The following LRRTM4 variants were observed in gnomAD, a reference collection of about 807,000 sequenced individuals.
The protein encoded by LRRTM4 is leucine-rich repeat transmembrane neuronal protein 4.
In LRRTM4, 25 loss-of-function variants were observed where a neutral mutation model predicts 47.6. The ratio of observed to expected loss-of-function variants is 0.53; its 90% CI spans 0.38 to 0.73. LRRTM4 has a LOEUF of 0.73. Among genes scored for constraint, LRRTM4 ranks in the 30% least tolerant of loss-of-function variants. The pLI, the probability that LRRTM4 is intolerant of heterozygous loss-of-function variation, is 0.00. For missense variants in LRRTM4, 638 were observed against 713.4 expected (o/e 0.89, Z 1.20); for synonymous variants, 311 against 269.5 (o/e 1.15, Z -1.51).
chr2:77,221,383 G>C (rs1164256246), intron 3 of LRRTM4, among the ~76,000 whole-genome samples: 1 of 151,942 alleles, frequency 6.6e-6, no homozygotes, highest in Admixed American at 6.6e-5. Flanking sequence ...AATGGGCTAA[G>C]TGCTCCAAAT....
At chr2:76,921,282 T>C (rs950548091) in intron 3 of LRRTM4, among the ~76,000 whole-genome samples, 2 of 152,150 alleles carry the variant, frequency 1.3e-5, no homozygotes, top group Non-Finnish European at 2.9e-5. Flanking sequence ...GTTTTTCTGA[T>C]GATTAGGCTG....
intron 3 of LRRTM4, among the ~76,000 whole-genome samples, chr2:76,946,836 G>C (rs1235258821): frequency 2.0e-5 from 3 of 151,794 alleles, no homozygotes; most frequent in African/African-American, 7.2e-5. Flanking sequence ...ATTATCATTT[G>C]AAGCATCATT....
chr2:77,117,226 A>G (rs933095767), intron 3 of LRRTM4, among the ~76,000 whole-genome samples: 1 of 152,042 alleles, frequency 6.6e-6, no homozygotes, highest in Non-Finnish European at 1.5e-5. Context: ...CTATTTTGAC[A>G]TATGTTTTCA....
chr2:77,186,648 ATAAT>A, intron 3 of LRRTM4, among the ~76,000 whole-genome samples: 1 of 152,290 alleles, frequency 6.6e-6, no homozygotes, highest in African/African-American at 2.4e-5. Context: ...TAAAAAGGAA[ATAAT>A]TATTTAGGAT....
chr2:76,748,458 G>T lies in LRRTM4; in HGVS notation c.*237C>A. On this transcript the variant is annotated 3_prime_UTR_variant, in exon 4 of 4. Coordinates refer to ENST00000409884, the MANE Select transcript of LRRTM4 (RefSeq NM_001134745.3). ...ACTATTTACATCCGGGAGCATTTTTGTTTGTTTTATGTTTTAAAGCAAAGA... is the reference window on the plus strand; with the variant it reads ...ACTATTTACATCCGGGAGCATTTTTTTTTGTTTTATGTTTTAAAGCAAAGA... The T allele has an allele frequency of 1.9e-6, 1 of 540,520 alleles. No homozygotes were observed. Among genetic ancestry groups the T allele is most frequent in the Non-Finnish European group, 3.3e-6 (1 of 304,252 alleles). 33.5% of individuals were successfully genotyped at this position (540,520 alleles called of 1,614,324 possible). A position where few individuals can be genotyped will look rare whatever the true frequency, so the allele number is the denominator to read the frequency against.
At chr2:77,127,739 A>C (rs1182322943) in intron 3 of LRRTM4, among the ~76,000 whole-genome samples, 1 of 152,156 alleles carries the variant, frequency 6.6e-6, no homozygotes, top group Non-Finnish European at 1.5e-5. Flanking sequence ...CTTGGAGTCA[A>C]CTCTGCAACC....
chr2:77,068,689 A>C (rs1459582673), intron 3 of LRRTM4, among the ~76,000 whole-genome samples: 1 of 140,638 alleles, frequency 7.1e-6, no homozygotes, highest in Non-Finnish European at 1.5e-5. Context: ...TGGATACACT[A>C]CATTTTGAAA....
intron 3 of LRRTM4, among the ~76,000 whole-genome samples, chr2:77,008,397 G>A (rs17013595): frequency 0.41 from 62,901 of 151,914 alleles, 13,131 homozygotes; most frequent in East Asian, 0.52. Context: ...ATCACAGAAT[G>A]TATGGTTCAG....
At chr2:77,310,794 A>G (rs1316555059) in intron 3 of LRRTM4, among the ~76,000 whole-genome samples, 1 of 152,166 alleles carries the variant, frequency 6.6e-6, no homozygotes, top group East Asian at 1.9e-4. Context: ...TTTAAATAAT[A>G]CTGAGCACTG....
At chr2:76,920,884 A>G (rs1313244674) in intron 3 of LRRTM4, among the ~76,000 whole-genome samples, 3 of 151,864 alleles carry the variant, frequency 2.0e-5, no homozygotes, top group African/African-American at 7.3e-5. Context: ...GTTTTCTTCA[A>G]TTTAAACACA....
chr2:77,343,748 T>C (rs899474209), intron 3 of LRRTM4, among the ~76,000 whole-genome samples: 9 of 151,936 alleles, frequency 5.9e-5, no homozygotes, highest in Non-Finnish European at 1.2e-4. Context: ...AGTGGTGATA[T>C]ATAATAATCA....
At position 76,891,965 on chromosome 2, in the gene LRRTM4, T is replaced by C. The variant is rs540785410; in HGVS notation, c.1552-143049A>G. Among the ~76,000 whole-genome samples the C allele has an allele frequency of 4.0e-5, 6 of 151,686 alleles. 1 individual carries two copies. The highest frequency in any genetic ancestry group is 3.4e-3 in the Middle Eastern group (1 of 290). On this transcript the variant is annotated intron_variant, in intron 3 of 3. Coordinates refer to ENST00000409884, the MANE Select transcript of LRRTM4 (RefSeq NM_001134745.3). ...AGATGAAAAAATAATTTCTCTAATA[T>C]ATAACAAACTAAAATATGAGATTAG...
At chr2:76,865,529 C>T (rs1157663128) in intron 3 of LRRTM4, among the ~76,000 whole-genome samples, 2 of 152,214 alleles carry the variant, frequency 1.3e-5, no homozygotes, top group African/African-American at 4.8e-5. Flanking sequence ...ATTAGACTTT[C>T]ATCAAATGCT....
intron 3 of LRRTM4, among the ~76,000 whole-genome samples, chr2:77,426,023 G>A (rs1675090197): frequency 6.6e-6 from 1 of 151,734 alleles, no homozygotes; most frequent in Non-Finnish European, 1.5e-5. Context: ...GACTGAGGCA[G>A]GAGAATCACT....
At chr2:76,797,872 C>A (rs1272761807) in intron 3 of LRRTM4, among the ~76,000 whole-genome samples, 17 of 151,758 alleles carry the variant, frequency 1.1e-4, no homozygotes, top group East Asian at 1.9e-4. Context: ...ACAGTGAAGG[C>A]CATTACATGA....
chr2:77,468,365 T>C (rs903234872), intron 3 of LRRTM4, among the ~76,000 whole-genome samples: 1 of 152,186 alleles, frequency 6.6e-6, no homozygotes, highest in Non-Finnish European at 1.5e-5. Flanking sequence ...TTATTGAGAA[T>C]TTTATAGAAC....
At chr2:76,804,530 G>A (rs1675863693) in intron 3 of LRRTM4, among the ~76,000 whole-genome samples, 1 of 151,144 alleles carries the variant, frequency 6.6e-6, no homozygotes, top group African/African-American at 2.4e-5. Context: ...ATTTTAACCG[G>A]CTGATGCCCT....
intron 3 of LRRTM4, among the ~76,000 whole-genome samples, chr2:77,044,550 GTC>G (rs1276034235): frequency 6.6e-6 from 1 of 151,500 alleles, no homozygotes; most frequent in African/African-American, 2.4e-5. Context: ...GGGTGTGTGT[GTC>G]TGTGAGTGTG....
At chr2:77,044,649 A>G (rs1238186377) in intron 3 of LRRTM4, among the ~76,000 whole-genome samples, 1 of 151,588 alleles carries the variant, frequency 6.6e-6, no homozygotes, top group Non-Finnish European at 1.5e-5. Flanking sequence ...ACACACAAAC[A>G]TATACAAACA....
Sources: gnomAD v4.1 joint callset for allele counts (sites outside exome capture counted in the v4.1 genomes callset) on GRCh38, gnomAD v4.1.1 for gene constraint, MANE v1.5 for transcripts, NCBI Gene and HGNC (gene_info 2026-07-23, HGNC 2026-07-21) for gene names.